The following ASB3 variants were observed in gnomAD, a reference collection of about 807,000 sequenced individuals.
ASB3 encodes ankyrin repeat and SOCS box protein 3.
In ASB3, 41 loss-of-function variants were observed where a neutral mutation model predicts 54.5. That is an observed-to-expected ratio of 0.75 (90% confidence interval 0.59 to 0.98). The LOEUF (loss-of-function observed/expected upper bound fraction) is 0.98, where lower values mean the gene tolerates loss of function less well. Among genes scored for constraint, ASB3 ranks in the 50% least tolerant of loss-of-function variants. The probability of loss-of-function intolerance (pLI) is 0.00; values close to 1 mark genes in which losing one functional copy is unlikely to be tolerated. For missense variants in ASB3, 733 were observed against 620.0 expected (o/e 1.18, Z -1.94); for synonymous variants, 266 against 221.2 (o/e 1.20, Z -1.80).
chr2:53,740,742 C>A (rs1011075052), intron 3 of ASB3, among the ~76,000 whole-genome samples: 1 of 152,146 alleles, frequency 6.6e-6, no homozygotes, highest in Non-Finnish European at 1.5e-5. Context: ...CACGTTATCA[C>A]TGACATTTCT....
At chr2:53,711,496 AAAG>A (rs1328048769) in intron 7 of ASB3, among the ~76,000 whole-genome samples, 2 of 152,168 alleles carry the variant, frequency 1.3e-5, no homozygotes, top group Non-Finnish European at 2.9e-5. Context: ...AGCAGAAGAA[AAAG>A]AAGGCCAGGC....
At position 53,690,128 on chromosome 2, in the gene ASB3, C is replaced by T. The variant is rs573339869; in HGVS notation, c.1369+3756G>A. ...CCACATGGCTATGATCCCAGCTACT[C>T]GGGAGGCTGAGGTGGGAAGATTGCT... On this transcript the variant is annotated intron_variant, in intron 9 of 9. Transcript: ENST00000263634. Among the ~76,000 whole-genome samples, 16 of 151,746 alleles carry T rather than the reference C, an allele frequency of 1.1e-4. 1 individual carries two copies. The South Asian group carries it at 3.1e-3, about 30-fold the overall frequency.
intron 9 of ASB3, among the ~76,000 whole-genome samples, chr2:53,681,551 G>T (rs1313719001): frequency 1.3e-5 from 2 of 151,980 alleles, no homozygotes; most frequent in Non-Finnish European, 2.9e-5. Context: ...CCAGAGATAG[G>T]GGTCTAGTTT....
chr2:53,716,715 G>T lies in ASB3; in HGVS notation c.633C>A (p.Asp211Glu), dbSNP rs759501767. 1.2e-6 allele frequency: 2 copies of T among 1,613,678 alleles called. No homozygotes were observed. Among genetic ancestry groups the T allele is most frequent in the Admixed American group, 3.3e-5 (2 of 59,976 alleles). Residue 211 changes from aspartate to glutamate, a missense_variant, in exon 6 of 10, where the codon GAC (aspartate) becomes GAA (glutamate). Physicochemically the swap from Asp to Glu is conservative, Grantham distance 45. Coordinates refer to ENST00000263634, the MANE Select transcript of ASB3 (RefSeq NM_016115.5). ...CAGCAATGAACAAGGGTGTAGCTTT[G>T]TCCAAGGCTTGACAATTGACATTTG... ...SGANVNCQAL[D>E]KATPLFIAAQ...
chr2:53,718,088 GA>G (rs1252098770), intron 5 of ASB3, among the ~76,000 whole-genome samples: 2 of 152,138 alleles, frequency 1.3e-5, no homozygotes, highest in Non-Finnish European at 2.9e-5. Context: ...GAGAGAAGGA[GA>G]AAAAGTAAAT....
intron 5 of ASB3, among the ~76,000 whole-genome samples, chr2:53,720,996 G>A (rs1175872518): frequency 2.0e-5 from 3 of 151,842 alleles, no homozygotes; most frequent in African/African-American, 7.3e-5. Context: ...GTGCGCGCCT[G>A]TAATCCCAGG....
chr2:53,765,381 A>G lies in ASB3; in HGVS notation c.192T>C (p.Asn64=). 1.9e-6 allele frequency: 3 copies of G among 1,614,204 alleles called. No individual in the cohort carries two copies. The highest frequency in any genetic ancestry group is 1.6e-4 in the Middle Eastern group (1 of 6,062). The change falls in exon 2 of 10, where the codon AAT becomes AAC. Residue 64 remains asparagine, a synonymous_variant. Transcript: ENST00000263634. ...NSVECLQMLI[N]ADSSENYIKM... is the part of the protein sequence containing the mutation. ...CATACCTTGAATTTACTTTACCTGC[A>G]TTAATTAACATTTGCAAACATTCTA...
At chr2:53,694,457 C>G (rs1482605680) in intron 8 of ASB3, 1 of 153,320 alleles carries the variant, frequency 6.5e-6, no homozygotes, top group Non-Finnish European at 1.5e-5. Context: ...ACAAGTATGG[C>G]TTGTTTCTGC....
rs7569180 is a variant in ASB3 at position 53,670,466 on chromosome 2, G to C, written c.*37C>G. The C allele has an allele frequency of 6.3e-7, 1 of 1,589,966 alleles. No individual in the cohort carries two copies. The highest frequency in any genetic ancestry group is 1.9e-5 in the Admixed American group (1 of 53,956). ...GCTCTTTTGTCTCGATGATTTTTCA[G>C]AGAAAAAAATTAGCTGTGTTAAGTA... On this transcript the variant is annotated 3_prime_UTR_variant, in exon 10 of 10. Coordinates refer to ENST00000263634, the MANE Select transcript of ASB3 (RefSeq NM_016115.5).
At chr2:53,723,708 A>G (rs1248011408) in intron 5 of ASB3, among the ~76,000 whole-genome samples, 1 of 152,214 alleles carries the variant, frequency 6.6e-6, no homozygotes, top group African/African-American at 2.4e-5. Flanking sequence ...AGTAACCAAA[A>G]CAGCATGGTC....
chr2:53,698,992 T>C (rs1208697339), intron 8 of ASB3, among the ~76,000 whole-genome samples: 2 of 152,186 alleles, frequency 1.3e-5, no homozygotes, highest in Non-Finnish European at 2.9e-5. Flanking sequence ...CTTAGTCCAT[T>C]CTCTGTTGCT....
intron 7 of ASB3, among the ~76,000 whole-genome samples, chr2:53,704,137 G>C (rs575820790): frequency 1.3e-5 from 2 of 152,244 alleles, no homozygotes; most frequent in African/African-American, 4.8e-5. Context: ...AAGGCGGACA[G>C]ATCACTTGAG....
At chr2:53,786,764 C>T (rs1675041962) in intron 1 of ASB3, 57 bp downstream of exon 1, 1 of 168,674 alleles carries the variant, frequency 5.9e-6, no homozygotes, top group African/African-American at 2.4e-5. Flanking sequence ...TGCCTGCCCA[C>T]TGGAGAGCAG....
intron 9 of ASB3, among the ~76,000 whole-genome samples, chr2:53,691,602 A>G (rs1272595144): frequency 6.6e-6 from 1 of 152,190 alleles, no homozygotes; most frequent in Non-Finnish European, 1.5e-5. Context: ...AACCCTGATC[A>G]TGCTTCTGCT....
intron 1 of ASB3, chr2:53,774,183 GGAA>G (rs374101362): frequency 4.8e-5 from 78 of 1,612,666 alleles, no homozygotes; most frequent in African/African-American, 2.5e-4. Context: ...CAGTAGGAAA[GGAA>G]GAAGAAGTAA....
At chr2:53,693,802 T>C (rs554900752) in intron 9 of ASB3, 82 bp downstream of exon 9, 110 of 1,533,962 alleles carry the variant, frequency 7.2e-5, no homozygotes, top group Non-Finnish European at 9.1e-5. Flanking sequence ...CCGATGAATC[T>C]TATCACTTAA....
At chr2:53,701,363 T>G (rs993450515) in intron 7 of ASB3, among the ~76,000 whole-genome samples, 1 of 152,218 alleles carries the variant, frequency 6.6e-6, no homozygotes, top group Admixed American at 6.5e-5. Flanking sequence ...TATTATTATC[T>G]CCATTGTAGA....
intron 1 of ASB3, chr2:53,771,977 A>G (rs779425363): frequency 2.6e-6 from 3 of 1,172,716 alleles, no homozygotes; most frequent in East Asian, 2.5e-5. Flanking sequence ...TATAATTTTA[A>G]TTTTATAAAA....
At chr2:53,673,510 CATT>C (rs922755455) in intron 9 of ASB3, among the ~76,000 whole-genome samples, 14 of 152,132 alleles carry the variant, frequency 9.2e-5, no homozygotes, top group African/African-American at 3.4e-4. Flanking sequence ...CTTAATAAAT[CATT>C]TGTTTATGCT....
Sources: gnomAD v4.1 joint callset for allele counts (sites outside exome capture counted in the v4.1 genomes callset) on GRCh38, gnomAD v4.1.1 for gene constraint, MANE v1.5 for transcripts, NCBI Gene and HGNC (gene_info 2026-07-23, HGNC 2026-07-21) for gene names.